MCPH1: variants seen among roughly 807,000 people sequenced by gnomAD.
MCPH1 encodes microcephalin.
In MCPH1, 104 loss-of-function variants were observed where a neutral mutation model predicts 84.5. The observed-to-expected ratio is 1.23, with a 90% CI of 1.05 to 1.45. MCPH1 has a LOEUF of 1.45. MCPH1 is among the 40% of genes most tolerant of loss of function. MCPH1 has a pLI of 0.00. For synonymous variants in MCPH1, 514 were observed against 366.8 expected (o/e 1.40, Z -4.58); for missense variants, 1,498 against 1,005.7 (o/e 1.49, Z -6.62).
At chr8:6,509,807 C>T (rs1814599453) in intron 12 of MCPH1, among the ~76,000 whole-genome samples, 1 of 152,198 alleles carries the variant, frequency 6.6e-6, no homozygotes. Context: ...GCTCGGAACA[C>T]TCACATTAGC....
At chr8:6,562,983 C>T (rs1397290931) in intron 12 of MCPH1, 4 of 1,541,904 alleles carry the variant, frequency 2.6e-6, no homozygotes, top group Non-Finnish European at 3.5e-6. Context: ...AGGGCAAACA[C>T]ACGTCCAGAG....
chr8:6,577,320 G>A (rs1055001992), intron 12 of MCPH1, among the ~76,000 whole-genome samples: 11 of 152,142 alleles, frequency 7.2e-5, no homozygotes, highest in Non-Finnish European at 1.0e-4. Context: ...TCCAGAACCC[G>A]GTGCATTTGG....
intron 11 of MCPH1, 106 bp downstream of exon 11, chr8:6,480,982 A>T (rs1214723907): frequency 7.7e-7 from 1 of 1,298,716 alleles, no homozygotes; most frequent in African/African-American, 1.4e-5. Context: ...ACCCTTGTGG[A>T]TCTGCACACT....
At chr8:6,465,300 T>C (rs1018565270) in intron 9 of MCPH1, among the ~76,000 whole-genome samples, 2 of 152,210 alleles carry the variant, frequency 1.3e-5, no homozygotes, top group Admixed American at 1.3e-4. Flanking sequence ...TGCTCTGCAC[T>C]GCGCCTCTCT....
intron 12 of MCPH1, among the ~76,000 whole-genome samples, chr8:6,609,746 G>A (rs904776729): frequency 1.3e-5 from 2 of 150,636 alleles, no homozygotes; most frequent in East Asian, 1.9e-4. Context: ...CCCAGGCCTC[G>A]CCTGCCATGC....
At chr8:6,622,958 A>C (rs1204573276) in intron 13 of MCPH1, among the ~76,000 whole-genome samples, 1 of 151,344 alleles carries the variant, frequency 6.6e-6, no homozygotes. Context: ...CTCCTGCCTC[A>C]GCCTCCCAAG....
At chr8:6,640,097 T>TGTGTGTGCGC (rs1242280817) in intron 13 of MCPH1, among the ~76,000 whole-genome samples, 6 of 131,490 alleles carry the variant, frequency 4.6e-5, no homozygotes, top group East Asian at 4.9e-4. Context: ...TGTGTGTGTG[T>TGTGTGTGCGC]GCGCGCGCGT....
chr8:6,497,807 C>T (rs186796663), intron 11 of MCPH1, among the ~76,000 whole-genome samples: 2 of 152,226 alleles, frequency 1.3e-5, no homozygotes, highest in South Asian at 2.1e-4. Context: ...CTTGTGCTTT[C>T]TATAGATTAA....
intron 12 of MCPH1, among the ~76,000 whole-genome samples, chr8:6,587,933 C>T (rs1208670666): frequency 2.0e-5 from 3 of 152,230 alleles, no homozygotes; most frequent in African/African-American, 7.2e-5. Context: ...CTGGGGACAG[C>T]AGATTCCAAT....
rs201120541 is a variant in MCPH1 at position 6,439,021 on chromosome 8, A to G, written c.505A>G (p.Asn169Asp). ...SLIYTPTIEI[N>D]SRHHSAMEKR... is the part of the protein sequence containing the mutation. ...AATATATACTCCCACAATTGAAATT[A>G]ATAGTAGGCACCACAGCGCAATGGA... The change falls in exon 6 of 14, where the codon AAT (asparagine) becomes GAT (aspartate). Residue 169 changes from asparagine to aspartate, a missense_variant. Physicochemically the swap from Asn to Asp is conservative, Grantham distance 23. Coordinates refer to ENST00000344683, the MANE Select transcript of MCPH1 (RefSeq NM_024596.5). 2.5e-6 allele frequency: 4 copies of G among 1,611,998 alleles called. No homozygotes were observed. Among genetic ancestry groups the G allele is most frequent in the Admixed American group, 1.7e-5 (1 of 60,014 alleles).
chr8:6,497,305 AC>A (rs1338871968), intron 11 of MCPH1, among the ~76,000 whole-genome samples: 6 of 148,068 alleles, frequency 4.1e-5, no homozygotes, highest in Admixed American at 6.8e-5. Context: ...ACACTGTGAA[AC>A]CCCATTCTCT....
At chr8:6,612,182 T>G (rs1268960558) in intron 12 of MCPH1, among the ~76,000 whole-genome samples, 2 of 152,188 alleles carry the variant, frequency 1.3e-5, no homozygotes, top group Non-Finnish European at 2.9e-5. Flanking sequence ...AGGGGCTCAC[T>G]GCCAGGAACC....
In MCPH1 at chr8:6,504,891, T is replaced by G. The variant is rs1269273025; in HGVS notation, c.2214+4962T>G. Among the ~76,000 whole-genome samples, 5 of 152,026 alleles carry G rather than the reference T, an allele frequency of 3.3e-5. No homozygotes were observed. The South Asian group carries it at 1.0e-3, about 32-fold the overall frequency. On this transcript the variant is annotated intron_variant, in intron 12 of 13. Transcript: ENST00000344683. ...GGCATTTGCTGGACATCTTGGAATG[T>G]TTCCCCTAAGGATAAGGGAGGACTG...
intron 9 of MCPH1, among the ~76,000 whole-genome samples, chr8:6,460,175 G>A (rs757389807): frequency 1.3e-5 from 2 of 151,884 alleles, no homozygotes; most frequent in African/African-American, 2.4e-5. Flanking sequence ...ACGCAATCTC[G>A]TGTGCTATCC....
chr8:6,620,280 T>G (rs1017364347), intron 12 of MCPH1: 1 of 152,144 alleles, frequency 6.6e-6, no homozygotes. Context: ...CATATATAAG[T>G]GTATCGGATC....
intron 9 of MCPH1, among the ~76,000 whole-genome samples, chr8:6,472,521 A>C (rs1050159160): frequency 6.6e-6 from 1 of 152,048 alleles, no homozygotes; most frequent in Admixed American, 6.6e-5. Context: ...GCTGGAGTGC[A>C]TTGGCCCGAT....
chr8:6,599,580 C>A (rs747697347), intron 12 of MCPH1, among the ~76,000 whole-genome samples: 24 of 152,218 alleles, frequency 1.6e-4, no homozygotes, highest in Non-Finnish European at 3.2e-4. Flanking sequence ...AAAGGAAACA[C>A]AACTTGTTTG....
At position 6,526,915 on chromosome 8, in the gene MCPH1, A is replaced by T. The variant is rs1296970950; in HGVS notation, c.2214+26986A>T. ...CTATTGTTGATCTTGAGATTTTTCTATATTTTATTTAAATATTAATATAAT... is the reference window on the plus strand; with the variant it reads ...CTATTGTTGATCTTGAGATTTTTCTTTATTTTATTTAAATATTAATATAAT... On this transcript the variant is annotated intron_variant, in intron 12 of 13. Coordinates refer to ENST00000344683, the MANE Select transcript of MCPH1 (RefSeq NM_024596.5). 3.3e-5 allele frequency among the ~76,000 whole-genome samples: 5 copies of T among 152,216 alleles called. 1 individual carries two copies. In the South Asian group the frequency reaches 6.2e-4, roughly 19 times the overall value.
At chr8:6,441,944 C>T in intron 6 of MCPH1, 123 bp from the exon 7 acceptor site, 1 of 715,048 alleles carries the variant, frequency 1.4e-6, no homozygotes. Context: ...AAGATCCCTT[C>T]TAACTTTGTG....
Sources: allele counts gnomAD v4.1 joint callset (sites outside exome capture counted in the v4.1 genomes callset), GRCh38; gene constraint gnomAD v4.1.1; transcripts MANE v1.5; gene names NCBI Gene and HGNC (gene_info 2026-07-23, HGNC 2026-07-21).